CCDC180: variants seen among roughly 807,000 people sequenced by gnomAD.
CCDC180 encodes coiled-coil domain-containing protein 180.
In CCDC180, 154 loss-of-function variants were observed where a neutral mutation model predicts 209.2. That is an observed-to-expected ratio of 0.74 (90% CI 0.65 to 0.84). The LOEUF (loss-of-function observed/expected upper bound fraction) is 0.84. CCDC180 is among the 40% of genes least tolerant of loss of function. The pLI is 0.00. For synonymous variants in CCDC180, 778 were observed against 749.1 expected (o/e 1.04, Z -0.63); for missense variants, 1,874 against 1,997.3 (o/e 0.94, Z 1.18).
chr9:97,324,893 C>T (rs963180674), intron 13 of CCDC180, 126 bp from the exon 14 acceptor site: 23 of 864,664 alleles, frequency 2.7e-5, no homozygotes, highest in Non-Finnish European at 4.0e-5. Flanking sequence ...TAGAAGTTGA[C>T]CTTGAGGGAC....
rs573415534 is a variant in CCDC180 at position 97,309,343 on chromosome 9, C to T, written c.70-71C>T. On this transcript the variant is annotated intron_variant, in intron 2 of 36. Coordinates refer to ENST00000529487, the MANE Select transcript of CCDC180 (RefSeq NM_020893.6). ...TCTGGATGTCTTTCTAGACAGCCAC[C>T]ATCAGCCTGAGAGTGCTAGGAAGTC... 7.1e-5 allele frequency: 103 copies of T among 1,453,788 alleles called. No individual in the cohort carries two copies. The South Asian group carries it at 1.3e-3, about 18-fold the overall frequency. 90.1% of individuals were successfully genotyped at this position (1,453,788 alleles called of 1,614,324 possible). A position where few individuals can be genotyped will look rare whatever the true frequency, so the allele number is the denominator to read the frequency against.
chr9:97,355,677 G>T (rs931637266), intron 24 of CCDC180, among the ~76,000 whole-genome samples: 15 of 152,206 alleles, frequency 9.9e-5, no homozygotes, highest in Non-Finnish European at 1.9e-4. Flanking sequence ...ACCCAGGTCT[G>T]ACCGACACCA....
chr9:97,371,611 A>G lies in CCDC180; in HGVS notation c.4505A>G (p.Asn1502Ser), dbSNP rs201813114. The part of the protein sequence containing the change: ...KEKLEECTRR[N>S]GQVFITNLAT... Reference sequence around the variant, plus strand: ...TTTTTCCAGGAATGTACCAGAAGGAATGGCCAGGTTTTCATAACCAACTTG... The same window carrying G: ...TTTTTCCAGGAATGTACCAGAAGGAGTGGCCAGGTTTTCATAACCAACTTG... The change falls in exon 34 of 37, where the codon AAT (asparagine) becomes AGT (serine). Residue 1502 changes from asparagine (N) to serine (S), a missense_variant. Physicochemically the swap from Asn to Ser is conservative, Grantham distance 46. Transcript: ENST00000529487. 4.7e-5 allele frequency: 76 copies of G among 1,603,558 alleles called. No individual in the cohort carries two copies. The highest frequency in any genetic ancestry group is 6.6e-5 in the South Asian group (6 of 90,440).
chr9:97,365,617 C>T (rs1311820685), intron 29 of CCDC180, 56 bp from the exon 30 acceptor site: 10 of 1,509,208 alleles, frequency 6.6e-6, no homozygotes, highest in Admixed American at 5.0e-5. Context: ...GTGGTTTTGT[C>T]CATGTTTGTG....
intron 16 of CCDC180, 93 bp downstream of exon 16, chr9:97,328,239 AT>A (rs1035043622): frequency 7.1e-7 from 1 of 1,403,142 alleles, no homozygotes; most frequent in African/African-American, 1.4e-5. Context: ...TTTGAAAGCC[AT>A]TCCTAATGCT....
intron 20 of CCDC180, 37 bp downstream of exon 20, chr9:97,347,526 A>G (rs1344083314): frequency 6.6e-7 from 1 of 1,524,800 alleles, no homozygotes; most frequent in Non-Finnish European, 8.8e-7. Context: ...CCCTGCCCGC[A>G]GCCACTCCTT....
At chr9:97,316,188 A>G (rs546879744) in intron 8 of CCDC180, among the ~76,000 whole-genome samples, 1 of 152,298 alleles carries the variant, frequency 6.6e-6, no homozygotes, top group East Asian at 1.9e-4. Flanking sequence ...GCTTCTACTC[A>G]TTATTACAAC....
chr9:97,375,049 G>A (rs1222546474), intron 35 of CCDC180, among the ~76,000 whole-genome samples: 1 of 152,224 alleles, frequency 6.6e-6, no homozygotes, highest in Non-Finnish European at 1.5e-5. Flanking sequence ...TGCCCCAAGA[G>A]TGTGACTCTG....
chr9:97,362,840 C>A (rs975685270), intron 28 of CCDC180, among the ~76,000 whole-genome samples: 1 of 152,262 alleles, frequency 6.6e-6, no homozygotes, highest in Non-Finnish European at 1.5e-5. Flanking sequence ...AGTAGACTCA[C>A]TAGCTCTTTG....
rs1826766339 is a variant in CCDC180 at position 97,361,936 on chromosome 9, C to T, written c.3656+38C>T. The stretch of plus-strand genomic sequence containing the variant: ...AGGGTGCACCTAAGGCTCTGCCACC[C>T]CTGCCCCTGGCCCTGGACCTTCAGG... On this transcript the variant is annotated intron_variant, in intron 27 of 36. Transcript: ENST00000529487. The T allele has an allele frequency of 1.9e-6, 3 of 1,601,816 alleles. No homozygotes were observed. In the East Asian group the frequency reaches 6.7e-5, roughly 36 times the overall value.
In CCDC180 at chr9:97,347,400, A is replaced by G; in HGVS notation, c.2585A>G (p.Asn862Ser). 4 of 1,536,140 alleles carry G rather than the reference A, an allele frequency of 2.6e-6. No homozygotes were observed. The highest frequency in any genetic ancestry group is 3.5e-6 in the Non-Finnish European group (4 of 1,146,908). Residue 862 changes from asparagine to serine, a missense_variant, in exon 20 of 37, where the codon AAT becomes AGT. By Grantham distance (46) the Asn-to-Ser change is conservative. Coordinates refer to ENST00000529487, the MANE Select transcript of CCDC180 (RefSeq NM_020893.6). ...CGGGTCACCGTGGCCACCAAAATCA[A>G]TGAGCTGGATTCAGAACTGGAGCTG... is the stretch of plus-strand genomic sequence containing the variant. The part of the protein sequence containing the change: ...NTRVTVATKI[N>S]ELDSELELHL...
At chr9:97,340,046 G>A (rs1047844375) in intron 18 of CCDC180, among the ~76,000 whole-genome samples, 5 of 152,156 alleles carry the variant, frequency 3.3e-5, no homozygotes, top group Admixed American at 2.6e-4. Context: ...GTTTATTCTA[G>A]TTAGCCATTC....
intron 12 of CCDC180, 61 bp from the exon 13 acceptor site, chr9:97,323,720 A>G: frequency 7.9e-6 from 12 of 1,510,540 alleles, no homozygotes; most frequent in Non-Finnish European, 9.8e-6. Context: ...TGTAGGATGC[A>G]GCTGATGCCT....
chr9:97,344,515 ATCCCCTTAAT>A, intron 19 of CCDC180, among the ~76,000 whole-genome samples: 2 of 152,194 alleles, frequency 1.3e-5, no homozygotes, highest in Admixed American at 6.5e-5. Flanking sequence ...AGTGTATTTA[ATCCCCTTAAT>A]AACTGTGAGA....
At chr9:97,375,773 A>C in intron 36 of CCDC180, 184 bp downstream of exon 36, 1 of 690,924 alleles carries the variant, frequency 1.4e-6, no homozygotes, top group Non-Finnish European at 2.4e-6. Context: ...GCACGAGGAC[A>C]TTAATGTGGG....
chr9:97,359,932 C>A, intron 25 of CCDC180, 50 bp from the exon 26 acceptor site: 1 of 1,605,874 alleles, frequency 6.2e-7, no homozygotes, highest in Non-Finnish European at 8.5e-7. Flanking sequence ...ATCTACCCAC[C>A]CTCCTGCAGT....
intron 18 of CCDC180, among the ~76,000 whole-genome samples, chr9:97,332,189 A>G (rs1485388489): frequency 1.3e-5 from 2 of 152,034 alleles, no homozygotes; most frequent in Non-Finnish European, 2.9e-5. Context: ...GTTGAAGATC[A>G]GATGGTTTAG....
intron 6 of CCDC180, 34 bp downstream of exon 6, chr9:97,314,555 C>T: frequency 6.2e-7 from 1 of 1,613,654 alleles, no homozygotes; most frequent in Non-Finnish European, 8.5e-7. Flanking sequence ...CCTGCCCCAC[C>T]CAGGTCCTGC....
chr9:97,322,752 T>G, intron 11 of CCDC180, 81 bp from the exon 12 acceptor site: 2 of 1,187,956 alleles, frequency 1.7e-6, no homozygotes. Context: ...GGAGGCATTT[T>G]GCTCCTTTGC....
Sources: allele counts gnomAD v4.1 joint callset (sites outside exome capture counted in the v4.1 genomes callset), GRCh38; gene constraint gnomAD v4.1.1; transcripts MANE v1.5; gene names NCBI Gene and HGNC (gene_info 2026-07-23, HGNC 2026-07-21).